GRIA1: variants seen among roughly 807,000 people sequenced by gnomAD.
The protein encoded by GRIA1 is glutamate receptor 1.
Under a neutral mutation model 99.2 loss-of-function variants are expected in GRIA1, and 31 were observed. That is an observed-to-expected ratio of 0.31 (90% CI 0.23 to 0.42). GRIA1 has a LOEUF of 0.42. Ranked by LOEUF, GRIA1 falls within the 10% of genes least tolerant of loss-of-function variation. GRIA1 has a pLI of 1.00. For missense variants in GRIA1, 782 were observed against 1,157.5 expected, an observed-to-expected ratio of 0.68 and a Z score of 4.71; for synonymous variants, 438 against 432.4, an observed-to-expected ratio of 1.01 and a Z score of -0.16.
chr5:153,563,004 C>T (rs1168014040), intron 2 of GRIA1, among the ~76,000 whole-genome samples: 11 of 151,840 alleles, frequency 7.2e-5, no homozygotes, highest in Admixed American at 1.3e-4. Context: ...GGTGAAACCC[C>T]GTCTCTACTA....
intron 11 of GRIA1, among the ~76,000 whole-genome samples, chr5:153,761,445 T>C (rs1763175685): frequency 6.6e-6 from 1 of 151,826 alleles, no homozygotes; most frequent in African/African-American, 2.4e-5. Flanking sequence ...ATCAGGGAAA[T>C]ACAAATCAAA....
At chr5:153,670,431 T>C (rs914060918) in intron 5 of GRIA1, among the ~76,000 whole-genome samples, 1 of 134,330 alleles carries the variant, frequency 7.4e-6, no homozygotes, top group Admixed American at 7.4e-5. Context: ...AAGTACTCTG[T>C]AGATTAATTT....
intron 2 of GRIA1, among the ~76,000 whole-genome samples, chr5:153,607,047 A>G (rs1455614288): frequency 7.2e-6 from 1 of 138,838 alleles, no homozygotes; most frequent in Non-Finnish European, 1.6e-5. Flanking sequence ...CAAAAGATAT[A>G]TATATATATA....
intron 1 of GRIA1, chr5:153,491,268 G>T (rs1352504971): frequency 1.1e-5 from 14 of 1,327,016 alleles, no homozygotes; most frequent in Non-Finnish European, 1.3e-5. Context: ...AGGCTGGAAA[G>T]GGTGGTGGGT....
chr5:153,603,406 C>A lies in GRIA1; in HGVS notation c.221-43522C>A, dbSNP rs148542960. Among the ~76,000 whole-genome samples the A allele has an allele frequency of 9.7e-3, 1,481 of 152,162 alleles. 22 individuals are homozygous for A. Among genetic ancestry groups the A allele is most frequent in the African/African-American group, 0.034 (1,400 of 41,496 alleles). ...ATAACGTGTGCATGTGTCTTTATAG[C>A]AGCATGATTTATAGCCCTTTGGCTA... On this transcript the variant is annotated intron_variant, in intron 2 of 15. Transcript: ENST00000285900.
At chr5:153,597,336 C>T (rs1764517611) in intron 2 of GRIA1, among the ~76,000 whole-genome samples, 1 of 152,106 alleles carries the variant, frequency 6.6e-6, no homozygotes. Context: ...GATCCTGCAC[C>T]CCATTTTGCA....
chr5:153,812,886 A>G lies in GRIA1; in HGVS notation c.*1661A>G, dbSNP rs1766917555. 6.6e-6 allele frequency: 1 copy of G among 152,178 alleles called. No individual in the cohort carries two copies. The highest frequency in any genetic ancestry group is 1.5e-5 in the Non-Finnish European group (1 of 68,056). 9.4% of individuals were successfully genotyped at this position (152,178 alleles called of 1,614,324 possible). On this transcript the variant is annotated 3_prime_UTR_variant, in exon 16 of 16. Coordinates refer to ENST00000285900, the MANE Select transcript of GRIA1 (RefSeq NM_000827.4). Reference sequence around the variant, plus strand: ...CCATGTGTCATTAGCTTTTACTGATAACCATATTCTGGCTTGTTCCCTTAC... The same window carrying G: ...CCATGTGTCATTAGCTTTTACTGATGACCATATTCTGGCTTGTTCCCTTAC...
intron 13 of GRIA1, among the ~76,000 whole-genome samples, chr5:153,789,533 T>C (rs1312607378): frequency 6.6e-6 from 1 of 152,154 alleles, no homozygotes; most frequent in East Asian, 1.9e-4. Flanking sequence ...TTAACTGCAG[T>C]GGGCAACTGA....
intron 2 of GRIA1, among the ~76,000 whole-genome samples, chr5:153,506,110 C>T (rs979559913): frequency 6.6e-6 from 1 of 152,130 alleles, no homozygotes; most frequent in Non-Finnish European, 1.5e-5. Context: ...CTTCTCTCTA[C>T]CACATCACAT....
At chr5:153,540,562 T>C (rs1173269303) in intron 2 of GRIA1, among the ~76,000 whole-genome samples, 2 of 152,346 alleles carry the variant, frequency 1.3e-5, no homozygotes, top group East Asian at 3.9e-4. Flanking sequence ...GATTAATTCA[T>C]CCACCAATTA....
intron 2 of GRIA1, among the ~76,000 whole-genome samples, chr5:153,628,390 G>C (rs544512798): frequency 3.9e-5 from 6 of 152,178 alleles, no homozygotes; most frequent in Non-Finnish European, 7.3e-5. Context: ...TCATTTCTGT[G>C]TGCCCTTGAA....
intron 2 of GRIA1, among the ~76,000 whole-genome samples, chr5:153,597,257 A>AG (rs1315988053): frequency 1.3e-5 from 2 of 152,194 alleles, no homozygotes; most frequent in African/African-American, 4.8e-5. Flanking sequence ...TAGTACGTTC[A>AG]GGGACTACCT....
In GRIA1 at chr5:153,770,432, T is replaced by C; in HGVS notation, c.2270+17T>C. ...TGCCCTGAGGTAAGTAGCCAAGATT[T>C]GCTTCCTTGGTACTCCCTCTCCCCT... On this transcript the variant is annotated intron_variant, in intron 13 of 15. Coordinates refer to ENST00000285900, the MANE Select transcript of GRIA1 (RefSeq NM_000827.4). The C allele has an allele frequency of 6.2e-7, 1 of 1,606,402 alleles. No individual in the cohort carries two copies. The highest frequency in any genetic ancestry group is 8.5e-7 in the Non-Finnish European group (1 of 1,174,142).
Position 153,811,343 on chromosome 5 carries a change from A to G in GRIA1, c.*118A>G. 1.5e-6 allele frequency: 1 copy of G among 682,522 alleles called. No individual in the cohort carries two copies. Among genetic ancestry groups the G allele is most frequent in the Non-Finnish European group, 2.6e-6 (1 of 383,572 alleles). 42.3% of individuals were successfully genotyped at this position (682,522 alleles called of 1,614,324 possible). A position where few individuals can be genotyped will look rare whatever the true frequency, so the allele number is the denominator to read the frequency against. On this transcript the variant is annotated 3_prime_UTR_variant, in exon 16 of 16. Transcript: ENST00000285900. ...GCAACCACCACCAACCACTGCGACC[A>G]CAAGAAGGATGATTCAACAGGTTTT... is the stretch of plus-strand genomic sequence containing the variant.
chr5:153,674,788 T>C (rs1015176227), intron 6 of GRIA1, 127 bp downstream of exon 6: 81 of 1,002,520 alleles, frequency 8.1e-5, no homozygotes, highest in Non-Finnish European at 1.1e-4. Flanking sequence ...GGAAATATAT[T>C]TGTAAAGATT....
At chr5:153,494,697 T>C (rs1754242778) in intron 2 of GRIA1, among the ~76,000 whole-genome samples, 1 of 152,190 alleles carries the variant, frequency 6.6e-6, no homozygotes, top group Non-Finnish European at 1.5e-5. Context: ...GACATCTGAA[T>C]TGAATGCATT....
intron 2 of GRIA1, among the ~76,000 whole-genome samples, chr5:153,537,687 C>G (rs1758710949): frequency 6.6e-6 from 1 of 152,170 alleles, no homozygotes; most frequent in Non-Finnish European, 1.5e-5. Context: ...CCAGTGGCTT[C>G]AAGATAGATA....
intron 11 of GRIA1, among the ~76,000 whole-genome samples, chr5:153,725,064 C>G (rs548115690): frequency 2.0e-5 from 3 of 152,276 alleles, no homozygotes; most frequent in Admixed American, 2.0e-4. Flanking sequence ...AGAAACTCTA[C>G]AAGCCAGAAG....
At chr5:153,708,504 T>C (rs13173300) in intron 11 of GRIA1, among the ~76,000 whole-genome samples, 1 of 152,076 alleles carries the variant, frequency 6.6e-6, no homozygotes, top group Non-Finnish European at 1.5e-5. Context: ...ACTCTATGCC[T>C]CTTTTTCATT....
Sources: gnomAD v4.1 joint callset for allele counts (sites outside exome capture counted in the v4.1 genomes callset) on GRCh38, gnomAD v4.1.1 for gene constraint, MANE v1.5 for transcripts, NCBI Gene and HGNC (gene_info 2026-07-23, HGNC 2026-07-21) for gene names.